The following GPR158 variants were observed in gnomAD, a reference collection of about 807,000 sequenced individuals.
The protein encoded by GPR158 is G protein-coupled receptor 158.
A neutral mutation model predicts 78.2 loss-of-function variants in GPR158; 30 were observed. The observed-to-expected ratio is 0.38, with a 90% CI of 0.29 to 0.52. The LOEUF is 0.52. GPR158 is among the 20% of genes least tolerant of loss of function. The pLI, the probability that GPR158 is intolerant of heterozygous loss-of-function variation, is 0.83. For missense variants in GPR158, 1,463 were observed against 1,523.5 expected, an observed-to-expected ratio of 0.96 and a Z score of 0.66; for synonymous variants, 581 against 591.1, an observed-to-expected ratio of 0.98 and a Z score of 0.25.
intron 2 of GPR158, among the ~76,000 whole-genome samples, chr10:25,259,870 C>CT (rs542097655): frequency 2.9e-4 from 44 of 151,314 alleles, no homozygotes; most frequent in South Asian, 8.4e-4. Context: ...TTAAAAATTG[C>CT]TTTTTTTTGA....
chr10:25,239,700 T>A (rs1049431878), intron 2 of GPR158, among the ~76,000 whole-genome samples: 1 of 152,090 alleles, frequency 6.6e-6, no homozygotes, highest in Non-Finnish European at 1.5e-5. Context: ...GCCAGTAAAA[T>A]TTAAAGCCCC....
intron 2 of GPR158, among the ~76,000 whole-genome samples, chr10:25,307,913 A>G (rs1854704534): frequency 6.6e-6 from 1 of 152,204 alleles, no homozygotes; most frequent in Non-Finnish European, 1.5e-5. Context: ...AAAAATTCCC[A>G]AAAGTGAGAT....
At chr10:25,324,042 T>G (rs1854993748) in intron 2 of GPR158, among the ~76,000 whole-genome samples, 1 of 152,220 alleles carries the variant, frequency 6.6e-6, no homozygotes, top group Non-Finnish European at 1.5e-5. Context: ...ATCAAGGGAA[T>G]GTCATGTCTG....
intron 2 of GPR158, among the ~76,000 whole-genome samples, chr10:25,367,576 G>C (rs1855742644): frequency 6.6e-6 from 1 of 151,692 alleles, no homozygotes; most frequent in Non-Finnish European, 1.5e-5. Flanking sequence ...TGGAAATCTT[G>C]ATAATAGTCT....
At chr10:25,478,529 GAGAGA>G (rs1835620339) in intron 5 of GPR158, among the ~76,000 whole-genome samples, 1 of 149,948 alleles carries the variant, frequency 6.7e-6, no homozygotes, top group African/African-American at 2.5e-5. Flanking sequence ...TGTGTGTGTA[GAGAGA>G]AGAGAAAGAA....
chr10:25,324,831 C>CTTTCTTTCTTTCT lies in GPR158; in HGVS notation c.1009-71077_1009-71076insCTTTCTTTCTTTT, dbSNP rs746272253. 2.5e-3 allele frequency among the ~76,000 whole-genome samples: 314 copies of CTTTCTTTCTTTCT among 125,358 alleles called. 1 individual carries two copies. Among genetic ancestry groups the CTTTCTTTCTTTCT allele is most frequent in the African/African-American group, 8.9e-3 (288 of 32,340 alleles). The allele number at this position is 125,358 out of a possible 152,430, so 82.2% of individuals were successfully genotyped here. A position where few individuals can be genotyped will look rare whatever the true frequency, so the allele number is the denominator to read the frequency against. ...GGTAATTGTATTTTCTTTTTTCTTTCTTTTTTTTTTTTTTTTTGAGACATT... is the reference window on the plus strand; with the variant it reads ...GGTAATTGTATTTTCTTTTTTCTTTCTTTCTTTCTTTCTTTTTTTTTTTTTTTTTTGAGACATT... On this transcript the variant is annotated intron_variant, in intron 2 of 10. Transcript: ENST00000376351.
At chr10:25,273,097 C>T (rs865791457) in intron 2 of GPR158, among the ~76,000 whole-genome samples, 2 of 152,180 alleles carry the variant, frequency 1.3e-5, no homozygotes, top group Non-Finnish European at 2.9e-5. Context: ...CACTGCTTTA[C>T]AAGGACTGTA....
chr10:25,444,484 G>A (rs1203384747), intron 4 of GPR158, among the ~76,000 whole-genome samples: 1 of 151,116 alleles, frequency 6.6e-6, no homozygotes, highest in Non-Finnish European at 1.5e-5. Flanking sequence ...GTGCATGTAT[G>A]TGTGGGGGAA....
chr10:25,299,350 G>A (rs1854559861), intron 2 of GPR158, among the ~76,000 whole-genome samples: 1 of 151,966 alleles, frequency 6.6e-6, no homozygotes, highest in Non-Finnish European at 1.5e-5. Flanking sequence ...CTTATTCATT[G>A]GAGAAAAACT....
intron 2 of GPR158, among the ~76,000 whole-genome samples, chr10:25,323,528 A>ATT (rs3054021): frequency 0.067 from 9,603 of 144,078 alleles, 530 homozygotes; most frequent in South Asian, 0.14. Flanking sequence ...TCTTAGGTAG[A>ATT]TTTTTTTTTT....
chr10:25,285,365 T>C (rs1854336517), intron 2 of GPR158, among the ~76,000 whole-genome samples: 1 of 151,706 alleles, frequency 6.6e-6, no homozygotes, highest in Admixed American at 6.6e-5. Context: ...GATTGGCTCA[T>C]GTGATTATGG....
intron 2 of GPR158, among the ~76,000 whole-genome samples, chr10:25,272,224 T>A (rs1854126178): frequency 6.6e-6 from 1 of 152,208 alleles, no homozygotes; most frequent in African/African-American, 2.4e-5. Context: ...ATAATTTGAC[T>A]TGAGTTTTCC....
chr10:25,488,188 T>G (rs74124015), intron 5 of GPR158, among the ~76,000 whole-genome samples: 2,009 of 152,180 alleles, frequency 0.013, 55 homozygotes, highest in African/African-American at 0.046. Context: ...GTCCAACCAT[T>G]GCATCTTTAT....
intron 2 of GPR158, among the ~76,000 whole-genome samples, chr10:25,342,393 A>G (rs1390159871): frequency 6.6e-6 from 1 of 151,738 alleles, no homozygotes; most frequent in Non-Finnish European, 1.5e-5. Context: ...GGATCCTAAT[A>G]CCTGTTTTTC....
chr10:25,520,814 TTTTG>T (rs1441402130), intron 5 of GPR158, among the ~76,000 whole-genome samples: 4 of 152,296 alleles, frequency 2.6e-5, no homozygotes, highest in African/African-American at 7.2e-5. Flanking sequence ...ACTGCTGTCT[TTTTG>T]TTTGTCTGTG....
At chr10:25,382,862 C>T (rs1043290893) in intron 2 of GPR158, among the ~76,000 whole-genome samples, 18 of 151,816 alleles carry the variant, frequency 1.2e-4, no homozygotes, top group Middle Eastern at 3.4e-3. Flanking sequence ...GATGGAGTCT[C>T]ACACTGTCGC....
At chr10:25,437,852 G>T (rs552096163) in intron 4 of GPR158, among the ~76,000 whole-genome samples, 2 of 152,174 alleles carry the variant, frequency 1.3e-5, no homozygotes, top group African/African-American at 2.4e-5. Context: ...GGACCAAATG[G>T]CCATAGAGGA....
chr10:25,241,363 TTTTCTTTTC>T (rs1430872469), intron 2 of GPR158, among the ~76,000 whole-genome samples: 3 of 138,190 alleles, frequency 2.2e-5, no homozygotes, highest in African/African-American at 9.0e-5. Flanking sequence ...TTCTTTTCTC[TTTTCTTTTC>T]TCTCTTCTCT....
At chr10:25,197,805 C>G (rs1852863706) in intron 1 of GPR158, among the ~76,000 whole-genome samples, 1 of 152,036 alleles carries the variant, frequency 6.6e-6, no homozygotes, top group South Asian at 2.1e-4. Context: ...GTGTTTCCTC[C>G]TCTCTCTCTC....
Sources: allele counts gnomAD v4.1 joint callset (sites outside exome capture counted in the v4.1 genomes callset), GRCh38; gene constraint gnomAD v4.1.1; transcripts MANE v1.5; gene names NCBI Gene and HGNC (gene_info 2026-07-23, HGNC 2026-07-21).